The following NRDC variants were observed in gnomAD, a reference collection of about 807,000 sequenced individuals.
NRDC encodes nardilysin convertase.
Under a neutral mutation model 147.1 loss-of-function variants are expected in NRDC, and 54 were observed. The ratio of observed to expected loss-of-function variants is 0.37; its 90% CI spans 0.29 to 0.46. The LOEUF (loss-of-function observed/expected upper bound fraction) is 0.46, where lower values mean the gene tolerates loss of function less well. Among genes scored for constraint, NRDC ranks in the 20% least tolerant of loss-of-function variants. The pLI is 1.00. For missense variants in NRDC, 1,082 were observed against 1,370.6 expected (o/e 0.79, Z 3.33); for synonymous variants, 440 against 482.1 (o/e 0.91, Z 1.14).
intron 1 of NRDC, among the ~76,000 whole-genome samples, chr1:51,852,417 C>T (rs894611920): frequency 1.4e-5 from 2 of 143,924 alleles, no homozygotes; most frequent in African/African-American, 2.6e-5. Context: ...AATATTTAGG[C>T]CATATTTGTG....
chr1:51,818,003 A>C, intron 10 of NRDC, 63 bp downstream of exon 10: 1 of 1,212,178 alleles, frequency 8.2e-7, no homozygotes, highest in Non-Finnish European at 1.2e-6. Context: ...TAAACCATTT[A>C]GCATGCTTTA....
chr1:51,858,698 A>G (rs531194536), intron 1 of NRDC, among the ~76,000 whole-genome samples: 5 of 152,116 alleles, frequency 3.3e-5, no homozygotes, highest in Non-Finnish European at 7.4e-5. Context: ...TCTTTGCCCT[A>G]TTCCTCAATG....
chr1:51,841,719 T>C (rs2495220), intron 1 of NRDC, among the ~76,000 whole-genome samples: 150,768 of 152,326 alleles, frequency 0.99, 74,634 homozygotes, highest in Middle Eastern at 1. Context: ...AAATTCCTCA[T>C]CATCAGGCAT....
rs1678442606 is a variant in NRDC, at chr1:51,789,325, G to C, written c.3367C>G (p.Leu1123Val). The C allele has an allele frequency of 6.2e-7, 1 of 1,614,022 alleles. No homozygotes were observed. Among genetic ancestry groups the C allele is most frequent in the South Asian group, 1.1e-5 (1 of 91,086 alleles). Residue 1123 changes from leucine to valine, a missense_variant, in exon 31 of 31, where the codon CTG becomes GTG. Around this residue, in one of 3 missense-constraint regions of NRDC, gnomAD observed 187 missense variants for 193.6 expected, o/e 0.97. Coordinates refer to ENST00000352171, the MANE Select transcript of NRDC (RefSeq NM_001101662.2). ...ATGGGGATGATACAATCTGCCAGCA[G>C]AGGAGAGGTTGGCAGGTAGGTCAGC... Reference protein sequence around the residue: ...MQLTYLPTSPLLADCIIPITD... With the variant: ...MQLTYLPTSPVLADCIIPITD...
At position 51,800,584 on chromosome 1, in the gene NRDC, T is replaced by C; in HGVS notation, c.2413A>G (p.Ile805Val). 1.9e-6 allele frequency: 3 copies of C among 1,614,090 alleles called. No individual in the cohort carries two copies. Among genetic ancestry groups the C allele is most frequent in the Non-Finnish European group, 2.5e-6 (3 of 1,179,970 alleles). The change falls in exon 21 of 31, where the codon ATC becomes GTC. Residue 805 changes from isoleucine to valine, a missense_variant. Physicochemically the swap from Ile to Val is conservative, Grantham distance 29. Coordinates refer to ENST00000352171, the MANE Select transcript of NRDC (RefSeq NM_001101662.2). ...GCCAAAGTCTCGGGCTTGATGAGGA[T>C]GTTAAAGTAGGTCTTCTTCAACTGC... ...TEQLKKTYFN[I>V]LIKPETLAKD...
At chr1:51,814,475 G>T (rs2149203427) in intron 13 of NRDC, 76 bp downstream of exon 13, 4 of 1,403,870 alleles carry the variant, frequency 2.8e-6, no homozygotes, top group Non-Finnish European at 4.0e-6. Context: ...CAAGACTAAA[G>T]CATGTCTACC....
In NRDC at chr1:51,878,714, CG is replaced by C; in HGVS notation, c.-100del. On this transcript the variant is annotated 5_prime_UTR_variant, in exon 1 of 31. Transcript: ENST00000352171. ...GCCGGCCCTGGTGCTGCCGCAGCCG[CG>C]GGGAACAGGCCTGAACCCCTCCCCC... 1 of 1,097,832 alleles carries C rather than the reference CG, an allele frequency of 9.1e-7. No individual in the cohort carries two copies. The highest frequency in any genetic ancestry group is 1.3e-6 in the Non-Finnish European group (1 of 761,532). The allele number at this position is 1,097,832 out of a possible 1,614,324, so 68.0% of individuals were successfully genotyped here.
At chr1:51,878,071 C>G (rs772676318) in intron 1 of NRDC, 274 of 1,414,026 alleles carry the variant, frequency 1.9e-4, no homozygotes, top group Non-Finnish European at 2.4e-4. Flanking sequence ...ATTCTGACGT[C>G]TTACAACCCA....
intron 4 of NRDC, among the ~76,000 whole-genome samples, chr1:51,831,798 C>T (rs180867914): frequency 2.0e-5 from 3 of 151,700 alleles, no homozygotes; most frequent in East Asian, 2.0e-4. Context: ...AGGCTGGTCT[C>T]GAATTCCTGG....
chr1:51,838,072 G>C (rs1025249064), intron 2 of NRDC, among the ~76,000 whole-genome samples: 1 of 152,086 alleles, frequency 6.6e-6, no homozygotes, highest in South Asian at 2.1e-4. Context: ...ACGATCGTGG[G>C]ATCTTTCCTT....
At chr1:51,871,080 G>A (rs2124129861) in intron 1 of NRDC, among the ~76,000 whole-genome samples, 1 of 152,236 alleles carries the variant, frequency 6.6e-6, no homozygotes, top group Middle Eastern at 3.4e-3. Flanking sequence ...ACTTTGGGAG[G>A]CTGAGACAGG....
At chr1:51,865,389 C>T (rs577369218) in intron 1 of NRDC, among the ~76,000 whole-genome samples, 83 of 151,934 alleles carry the variant, frequency 5.5e-4, no homozygotes, top group African/African-American at 1.7e-3. Flanking sequence ...ATGCAACCTC[C>T]GCCTCCCCGG....
chr1:51,864,949 TA>T (rs76818656), intron 1 of NRDC, among the ~76,000 whole-genome samples: 2,471 of 133,720 alleles, frequency 0.018, 38 homozygotes, highest in South Asian at 0.11. Flanking sequence ...GACCTGGTCT[TA>T]AAAAAAAAAA....
intron 20 of NRDC, among the ~76,000 whole-genome samples, chr1:51,803,505 A>G (rs1385511364): frequency 6.7e-6 from 1 of 150,320 alleles, no homozygotes; most frequent in African/African-American, 2.4e-5. Context: ...TTATTCCTGT[A>G]TGGTAAAAAA....
At chr1:51,872,403 C>T (rs1215761179) in intron 1 of NRDC, among the ~76,000 whole-genome samples, 25 of 152,138 alleles carry the variant, frequency 1.6e-4, no homozygotes, top group Admixed American at 1.6e-3. Context: ...AGCCCATCAG[C>T]CCACTTTAAA....
intron 1 of NRDC, among the ~76,000 whole-genome samples, chr1:51,846,047 T>G (rs1681553365): frequency 6.6e-6 from 1 of 151,246 alleles, no homozygotes. Flanking sequence ...ACAAATCAAA[T>G]GGAATGGTAA....
intron 25 of NRDC, 58 bp downstream of exon 25, chr1:51,792,319 G>T: frequency 6.4e-7 from 1 of 1,557,612 alleles, no homozygotes; most frequent in South Asian, 1.1e-5. Flanking sequence ...AGAAAAGGCC[G>T]GGCCTCATAG....
intron 1 of NRDC, among the ~76,000 whole-genome samples, chr1:51,865,601 C>A (rs75144344): frequency 0.045 from 6,850 of 151,930 alleles, 494 homozygotes; most frequent in African/African-American, 0.16. Flanking sequence ...CTGCGCCCAG[C>A]CTAAAAAGAT....
At chr1:51,834,321 C>CTCTGTCTCAA in intron 3 of NRDC, 151 bp from the exon 4 acceptor site, 5 of 835,304 alleles carry the variant, frequency 6.0e-6, no homozygotes, top group Non-Finnish European at 7.4e-6. Context: ...TTCTTTGAGA[C>CTCTGTCTCAA]AGAGTCTCAC....
Sources: allele counts gnomAD v4.1 joint callset (sites outside exome capture counted in the v4.1 genomes callset), GRCh38; gene constraint gnomAD v4.1.1; regional missense constraint gnomAD v4.1.1; transcripts MANE v1.5; gene names NCBI Gene and HGNC (gene_info 2026-07-23, HGNC 2026-07-21).